Variants in TUBB3 observed in about 807,000 individuals in gnomAD.
TUBB3 encodes the protein tubulin beta-3 chain.
In TUBB3, 17 loss-of-function variants were observed where a neutral mutation model predicts 37.8. The observed-to-expected ratio is 0.45, with a 90% CI of 0.31 to 0.67. The LOEUF (loss-of-function observed/expected upper bound fraction) is 0.67, where lower values mean the gene tolerates loss of function less well. Ranked by LOEUF, TUBB3 falls within the 30% of genes least tolerant of loss-of-function variation. The pLI, the probability that TUBB3 is intolerant of heterozygous loss-of-function variation, is 0.07. For synonymous variants in TUBB3, 332 were observed against 278.9 expected (o/e 1.19, Z -1.90); for missense variants, 262 against 657.9 (o/e 0.40, Z 6.58).
At chr16:89,923,084 C>A (rs538603804), upstream of TUBB3, among the ~76,000 whole-genome samples, 400 of 152,298 alleles carry the variant, frequency 2.6e-3, 2 homozygotes, top group African/African-American at 9.2e-3. Context: ...CCGGCGCCCC[C>A]ACAGCCAGCT....
upstream of TUBB3, chr16:89,922,803 C>G (rs902801669): frequency 2.6e-5 from 4 of 152,268 alleles, no homozygotes; most frequent in Admixed American, 1.3e-4. Flanking sequence ...CCCTTCCGAG[C>G]TCTGATCCGA....
chr16:89,927,292 G>A (rs891158538), intron 1 of TUBB3, among the ~76,000 whole-genome samples: 7 of 151,870 alleles, frequency 4.6e-5, no homozygotes, highest in Non-Finnish European at 7.4e-5. Context: ...GACAGAGGTG[G>A]GAGGATCACC....
intron 3 of TUBB3, 132 bp from the exon 4 acceptor site, chr16:89,934,597 G>T (rs1022141880): frequency 1.6e-5 from 14 of 895,916 alleles, no homozygotes; most frequent in Middle Eastern, 4.5e-4. Flanking sequence ...GGTGCTCAGT[G>T]GGGCCTACTT....
At position 89,935,831 on chromosome 16, in the gene TUBB3, A is replaced by G. The variant is rs563540579; in HGVS notation, c.*27A>G. The G allele has an allele frequency of 2.5e-6, 4 of 1,604,918 alleles. No individual in the cohort carries two copies. The African/African-American group carries it at 5.4e-5, about 21-fold the overall frequency. On this transcript the variant is annotated 3_prime_UTR_variant, in exon 4 of 4. Coordinates refer to ENST00000315491, the MANE Select transcript of TUBB3 (RefSeq NM_006086.4). ...GCTGCTCGCAGCTGGAGTGAGAGGCAGGTGGCGGCCGGGGCCGAAGCCAGC... is the reference window on the plus strand; with the variant it reads ...GCTGCTCGCAGCTGGAGTGAGAGGCGGGTGGCGGCCGGGGCCGAAGCCAGC...
intron 1 of TUBB3, among the ~76,000 whole-genome samples, chr16:89,928,468 C>T (rs2030164012): frequency 6.6e-6 from 1 of 151,950 alleles, no homozygotes; most frequent in East Asian, 1.9e-4. Context: ...AAGCAATTCT[C>T]CTGCCTTAGC....
At chr16:89,933,838 G>T (rs1363980396) in intron 3 of TUBB3, 2 of 697,956 alleles carry the variant, frequency 2.9e-6, no homozygotes, top group Admixed American at 4.0e-5. Context: ...CTAGAGAGCT[G>T]GTGAGACAGA....
chr16:89,933,246 G>GCCTGTCCTGCTCCGT (rs751501639), intron 2 of TUBB3: 1 of 696,970 alleles, frequency 1.4e-6, no homozygotes, highest in Admixed American at 2.0e-5. Context: ...ACTGAATCCT[G>GCCTGTCCTGCTCCGT]CCTGTCCTGC....
rs748070053 is a variant in TUBB3 at position 89,935,267 on chromosome 16, C to G, written c.816C>G (p.Pro272=). The change falls in exon 4 of 4, where the codon CCC becomes CCG. Residue 272 remains proline, a synonymous_variant. Coordinates refer to ENST00000315491, the MANE Select transcript of TUBB3 (RefSeq NM_006086.4). ...ACTTCTTCATGCCCGGCTTCGCCCC[C>G]CTCACAGCCCGGGGCAGCCAGCAGT... ...RLHFFMPGFA[P]LTARGSQQYR... 26 of 1,613,594 alleles carry G rather than the reference C, an allele frequency of 1.6e-5. No homozygotes were observed. The highest frequency in any genetic ancestry group is 1.6e-4 in the Middle Eastern group (1 of 6,084).
chr16:89,934,657 T>C, intron 3 of TUBB3, 72 bp from the exon 4 acceptor site: 2 of 1,485,776 alleles, frequency 1.3e-6, no homozygotes, highest in Non-Finnish European at 1.9e-6. Context: ...CTTGGGATGT[T>C]CAGGCAGGGG....
At chr16:89,922,620 C>CA (rs1423600659), upstream of TUBB3, 4 of 152,282 alleles carry the variant, frequency 2.6e-5, no homozygotes, top group Non-Finnish European at 5.9e-5. Flanking sequence ...CGGATGCGCA[C>CA]CGGGCAGTGG....
chr16:89,924,513 A>T (rs552774730), intron 1 of TUBB3, among the ~76,000 whole-genome samples: 3 of 152,054 alleles, frequency 2.0e-5, no homozygotes, highest in African/African-American at 7.2e-5. Context: ...GACCCAGCTC[A>T]GGGCTGGTGC....
intron 1 of TUBB3, among the ~76,000 whole-genome samples, chr16:89,931,514 G>A (rs1049904487): frequency 6.6e-6 from 1 of 150,634 alleles, no homozygotes. Flanking sequence ...CGTGTCCCAC[G>A]ATGAGGTGGC....
Position 89,932,558 on chromosome 16 carries a change from A to T in TUBB3, c.58-13A>T, listed in dbSNP as rs1406672165. On this transcript the variant is annotated splice_polypyrimidine_tract_variant and intron_variant, in intron 1 of 3. Coordinates refer to ENST00000315491, the MANE Select transcript of TUBB3 (RefSeq NM_006086.4). ...GGCCGGTGCCGACCCCCCCTCTCCC[A>T]CTTTGTTTGCAGTTCTGGGAAGTCA... 3.1e-6 allele frequency: 5 copies of T among 1,612,516 alleles called. No homozygotes were observed. Among genetic ancestry groups the T allele is most frequent in the Non-Finnish European group, 4.2e-6 (5 of 1,178,866 alleles).
Position 89,935,403 on chromosome 16 carries a change from C to T in TUBB3, c.952C>T (p.Arg318Trp), listed in dbSNP as rs183017345. Reference protein sequence around the residue: ...GRYLTVATVFRGRMSMKEVDE... With the variant: ...GRYLTVATVFWGRMSMKEVDE... ...CTACCTGACGGTGGCCACCGTGTTC[C>T]GGGGCCGCATGTCCATGAAGGAGGT... The change falls in exon 4 of 4, where the codon CGG (arginine) becomes TGG (tryptophan). Residue 318 changes from arginine to tryptophan, a missense_variant. This residue lies in a region of TUBB3 where 165 missense variants were observed against 556.8 expected (regional missense o/e 0.30). Transcript: ENST00000315491. 1 of 1,614,180 alleles carries T rather than the reference C, an allele frequency of 6.2e-7. No individual in the cohort carries two copies. The highest frequency in any genetic ancestry group is 8.5e-7 in the Non-Finnish European group (1 of 1,180,042).
chr16:89,923,416 G>C lies in TUBB3; in HGVS notation c.15G>C (p.Val5=), dbSNP rs1203770764. 1.3e-6 allele frequency: 2 copies of C among 1,511,232 alleles called. No homozygotes were observed. Among genetic ancestry groups the C allele is most frequent in the Non-Finnish European group, 1.8e-6 (2 of 1,129,254 alleles). 93.6% of individuals were successfully genotyped at this position (1,511,232 alleles called of 1,614,324 possible). A position where few individuals can be genotyped will look rare whatever the true frequency, so the allele number is the denominator to read the frequency against. Residue 5 remains valine, a synonymous_variant, in exon 1 of 4, where the codon GTG becomes GTC. Coordinates refer to ENST00000315491, the MANE Select transcript of TUBB3 (RefSeq NM_006086.4). Reference sequence around the variant, plus strand: ...ACGCGCCCAGTATGAGGGAGATCGTGCACATCCAGGCCGGCCAGTGCGGCA... The same window carrying C: ...ACGCGCCCAGTATGAGGGAGATCGTCCACATCCAGGCCGGCCAGTGCGGCA... MREI[V]HIQAGQCGNQ...
Position 89,933,778 on chromosome 16 carries a change from T to C in TUBB3, c.277+200T>C, listed in dbSNP as rs1041884140. The C allele has an allele frequency of 1.7e-5, 12 of 705,356 alleles. No homozygotes were observed. The African/African-American group carries it at 1.9e-4, about 11-fold the overall frequency. The allele number at this position is 705,356 out of a possible 1,614,324, so 43.7% of individuals were successfully genotyped here. On this transcript the variant is annotated intron_variant, in intron 3 of 3. Transcript: ENST00000315491. ...CTGTGGGGAGAACAGAAACCACTCATGCATTTCAAGTGGAATGAAGTGTAA... is the reference window on the plus strand; with the variant it reads ...CTGTGGGGAGAACAGAAACCACTCACGCATTTCAAGTGGAATGAAGTGTAA...
intron 2 of TUBB3, chr16:89,933,227 G>T: frequency 1.4e-6 from 1 of 689,986 alleles, no homozygotes; most frequent in Non-Finnish European, 2.6e-6. Flanking sequence ...TGCATCTGGT[G>T]GACGTCTGAC....
intron 1 of TUBB3, among the ~76,000 whole-genome samples, chr16:89,927,184 G>A (rs2030116396): frequency 6.6e-6 from 1 of 151,882 alleles, no homozygotes; most frequent in Admixed American, 6.6e-5. Context: ...GGGCCAGCCT[G>A]GGCAACATGG....
At chr16:89,926,050 G>C (rs1250282748) in intron 1 of TUBB3, among the ~76,000 whole-genome samples, 1 of 152,200 alleles carries the variant, frequency 6.6e-6, no homozygotes, top group Admixed American at 6.5e-5. Flanking sequence ...CCCCGGGGGG[G>C]GCAGGGGCGG....
Sources: gnomAD v4.1 joint callset for allele counts (sites outside exome capture counted in the v4.1 genomes callset) on GRCh38, gnomAD v4.1.1 for gene constraint, gnomAD v4.1.1 regional missense constraint, MANE v1.5 for transcripts, NCBI Gene and HGNC (gene_info 2026-07-23, HGNC 2026-07-21) for gene names.